The following ANO10 variants were observed in gnomAD, a reference collection of about 807,000 sequenced individuals.
ANO10 encodes anoctamin-10.
ANO10 carries 77 observed loss-of-function variants against 74.7 expected under a neutral mutation model. That is an observed-to-expected ratio of 1.03 (90% CI 0.86 to 1.25). The LOEUF is 1.25. ANO10 is among the 50% of genes most tolerant of loss of function. ANO10 has a pLI of 0.00. For missense variants in ANO10, 721 were observed against 778.1 expected, an observed-to-expected ratio of 0.93 and a Z score of 0.87; for synonymous variants, 279 against 284.9, an observed-to-expected ratio of 0.98 and a Z score of 0.21.
chr3:43,530,189 A>C (rs2078395055), intron 11 of ANO10, among the ~76,000 whole-genome samples: 1 of 152,102 alleles, frequency 6.6e-6, no homozygotes, highest in East Asian at 1.9e-4. Flanking sequence ...CACAATTAAA[A>C]ATGAAAATGT....
intron 1 of ANO10, among the ~76,000 whole-genome samples, chr3:43,687,731 C>G (rs1367885851): frequency 6.6e-6 from 1 of 152,124 alleles, no homozygotes; most frequent in Non-Finnish European, 1.5e-5. Context: ...GGTAGGGGAC[C>G]AAGCTGGCCT....
chr3:43,529,201 C>G (rs866875492), intron 11 of ANO10, among the ~76,000 whole-genome samples: 9 of 152,198 alleles, frequency 5.9e-5, no homozygotes, highest in Admixed American at 1.3e-4. Flanking sequence ...TTGACAGCAA[C>G]AATGCAAGAC....
At chr3:43,561,116 G>T (rs926894919) in intron 9 of ANO10, 104 bp downstream of exon 9, 2 of 1,338,106 alleles carry the variant, frequency 1.5e-6, no homozygotes, top group African/African-American at 1.4e-5. Context: ...AGCACTTCTA[G>T]AATAGTCACA....
intron 9 of ANO10, among the ~76,000 whole-genome samples, chr3:43,556,573 C>T (rs1191769270): frequency 6.6e-6 from 1 of 151,994 alleles, no homozygotes; most frequent in Non-Finnish European, 1.5e-5. Context: ...ATTTAGCAAA[C>T]CAAGGACATA....
At chr3:43,395,667 A>T (rs187346344) in intron 12 of ANO10, among the ~76,000 whole-genome samples, 2 of 152,256 alleles carry the variant, frequency 1.3e-5, no homozygotes, top group Non-Finnish European at 2.9e-5. Flanking sequence ...ATAAGCTTTG[A>T]AATCAAGTAG....
chr3:43,613,268 G>A (rs1401321422), intron 1 of ANO10, among the ~76,000 whole-genome samples: 1 of 152,098 alleles, frequency 6.6e-6, no homozygotes, highest in Non-Finnish European at 1.5e-5. Flanking sequence ...TTCAATGAAG[G>A]AAATCAGATC....
chr3:43,474,703 ATTTGATT>A (rs1483049755), intron 11 of ANO10, among the ~76,000 whole-genome samples: 3 of 152,222 alleles, frequency 2.0e-5, no homozygotes, highest in African/African-American at 7.2e-5. Flanking sequence ...GAATACATGT[ATTTGATT>A]TTTATGTTTA....
chr3:43,592,633 A>G (rs1433916512), intron 4 of ANO10, among the ~76,000 whole-genome samples: 2 of 152,260 alleles, frequency 1.3e-5, no homozygotes, highest in Non-Finnish European at 2.9e-5. Flanking sequence ...AGATAAAATC[A>G]TAAAGATGGA....
At chr3:43,577,567 C>A (rs779293914) in intron 5 of ANO10, among the ~76,000 whole-genome samples, 4 of 152,178 alleles carry the variant, frequency 2.6e-5, no homozygotes, top group Non-Finnish European at 4.4e-5. Context: ...CATCTTGTAG[C>A]TTACCCAAAA....
chr3:43,387,423 A>C (rs2092154291), intron 12 of ANO10, among the ~76,000 whole-genome samples: 1 of 152,084 alleles, frequency 6.6e-6, no homozygotes, highest in African/African-American at 2.4e-5. Flanking sequence ...GGAGAGCTTG[A>C]GGAGGGCAGG....
intron 1 of ANO10, among the ~76,000 whole-genome samples, chr3:43,642,414 T>C (rs192862378): frequency 1.0e-3 from 154 of 152,326 alleles, no homozygotes; most frequent in Non-Finnish European, 1.8e-3. Context: ...TATTCATTTA[T>C]CCTTAGATCA....
chr3:43,590,494 G>A (rs1417490210), intron 4 of ANO10, among the ~76,000 whole-genome samples: 1 of 152,026 alleles, frequency 6.6e-6, no homozygotes, highest in Admixed American at 6.5e-5. Flanking sequence ...AAGGAAATCA[G>A]GAAGACCAGA....
intron 11 of ANO10, among the ~76,000 whole-genome samples, chr3:43,466,826 A>G (rs141222036): frequency 8.1e-4 from 124 of 152,336 alleles, no homozygotes; most frequent in African/African-American, 2.8e-3. Flanking sequence ...CACATCATAC[A>G]CTGGGGAAAA....
intron 11 of ANO10, among the ~76,000 whole-genome samples, chr3:43,506,485 A>C (rs1228365928): frequency 6.6e-6 from 1 of 152,022 alleles, no homozygotes; most frequent in African/African-American, 2.4e-5. Context: ...CATAAGTCAG[A>C]CTCTGACTAT....
intron 11 of ANO10, among the ~76,000 whole-genome samples, chr3:43,535,039 T>G (rs2078645663): frequency 6.6e-6 from 1 of 151,574 alleles, no homozygotes; most frequent in Non-Finnish European, 1.5e-5. Flanking sequence ...AGTGGCACAA[T>G]CTCAGCTCAC....
chr3:43,633,546 T>G lies in ANO10; in HGVS notation c.-11-27683A>C, dbSNP rs1001583089. On this transcript the variant is annotated intron_variant, in intron 1 of 3. Coordinates refer to the ANO10 transcript ENST00000413397. ...AATAAAGCCATTGAAGTAATAGAAT[T>G]CCTCTATGAAATTACTCACCTGAGG... Among the ~76,000 whole-genome samples the G allele has an allele frequency of 5.9e-5, 9 of 152,318 alleles. No homozygotes were observed. In the East Asian group the frequency reaches 7.7e-4, roughly 13 times the overall value.
intron 12 of ANO10, among the ~76,000 whole-genome samples, chr3:43,380,016 T>C (rs1160170409): frequency 6.6e-6 from 1 of 151,968 alleles, no homozygotes; most frequent in Admixed American, 6.5e-5. Flanking sequence ...TTCTGGAAAT[T>C]AAGGATGCAC....
At chr3:43,639,488 G>A (rs1014323162) in intron 1 of ANO10, among the ~76,000 whole-genome samples, 1 of 152,186 alleles carries the variant, frequency 6.6e-6, no homozygotes, top group African/African-American at 2.4e-5. Context: ...ATTCTGGCTG[G>A]GTGCAGTGGC....
At chr3:43,670,410 T>G (rs886073115) in intron 1 of ANO10, among the ~76,000 whole-genome samples, 3 of 152,088 alleles carry the variant, frequency 2.0e-5, no homozygotes, top group Non-Finnish European at 4.4e-5. Flanking sequence ...AGATTTATGC[T>G]TAAGAGTCTT....
Sources: gnomAD v4.1 joint callset for allele counts (sites outside exome capture counted in the v4.1 genomes callset) on GRCh38, gnomAD v4.1.1 for gene constraint, MANE v1.5 for transcripts, NCBI Gene and HGNC (gene_info 2026-07-23, HGNC 2026-07-21) for gene names.